The following RYR3 variants were observed in gnomAD, a reference collection of about 807,000 sequenced individuals.
The protein encoded by RYR3 is brain ryanodine receptor-calcium release channel.
A neutral mutation model predicts 584.3 loss-of-function variants in RYR3; 207 were observed. The ratio of observed to expected loss-of-function variants is 0.35; its 90% CI spans 0.32 to 0.40. The LOEUF is 0.40. Among genes scored for constraint, RYR3 ranks in the 10% least tolerant of loss-of-function variants. The pLI, the probability that RYR3 is intolerant of heterozygous loss-of-function variation, is 1.00. For synonymous variants in RYR3, 2,416 were observed against 2,248.5 expected (o/e 1.07, Z -2.11); for missense variants, 5,616 against 6,089.2 (o/e 0.92, Z 2.59).
At position 33,549,150 on chromosome 15, in the gene RYR3, G is replaced by A. The variant is rs143663571; in HGVS notation, c.815+946G>A. On this transcript the variant is annotated intron_variant, in intron 9 of 103. Transcript: ENST00000634891. ...AGCGTGCACTTACTAACTGGCTTGA[G>A]TCATTTATATCCTCTTTCCAAACCC... Among the ~76,000 whole-genome samples the A allele has an allele frequency of 6.2e-4, 95 of 152,224 alleles. No individual in the cohort carries two copies. The Middle Eastern group carries it at 0.034, about 55-fold the overall frequency.
rs2041927068 is a variant in RYR3, at chr15:33,390,536, T to G, written c.51+79440T>G. Among the ~76,000 whole-genome samples the G allele has an allele frequency of 6.6e-6, 1 of 152,150 alleles. No homozygotes were observed. Among genetic ancestry groups the G allele is most frequent in the Non-Finnish European group, 1.5e-5 (1 of 68,032 alleles). ...CGCATTTGTTTTCACGACTTCTTCT[T>G]CAGGGGGTGATAGGTGTGGAGAGAA... On this transcript the variant is annotated intron_variant, in intron 1 of 103. Coordinates refer to ENST00000634891, the MANE Select transcript of RYR3 (RefSeq NM_001036.6). The surrounding 1 kb of genome is among the most constrained non-coding windows in gnomAD (Gnocchi z 4.2).
At position 33,341,354 on chromosome 15, in the gene RYR3, T is replaced by G. The variant is rs1971794860; in HGVS notation, c.51+30258T>G. 2.6e-5 allele frequency among the ~76,000 whole-genome samples: 4 copies of G among 152,278 alleles called. No individual in the cohort carries two copies. In the South Asian group the frequency reaches 8.3e-4, roughly 32 times the overall value. ...GCGCCCGGTCTGATTCAGTGGACTTTGCATTTGAACATGTTTTCAGATGCT... is the reference window on the plus strand; with the variant it reads ...GCGCCCGGTCTGATTCAGTGGACTTGGCATTTGAACATGTTTTCAGATGCT... On this transcript the variant is annotated intron_variant, in intron 1 of 103. Coordinates refer to ENST00000634891, the MANE Select transcript of RYR3 (RefSeq NM_001036.6).
Position 33,739,992 on chromosome 15 carries a change from T to C in RYR3, c.7817T>C (p.Met2606Thr), listed in dbSNP as rs755954291. ...TTTGACCCAAAACCTATTAACACCA[T>C]GAAGTGAGTCCAGAATCATCTCTGA... is the stretch of plus-strand genomic sequence containing the variant. ...GNFDPKPINT[M>T]NFSLPEKLEY... Residue 2606 changes from methionine to threonine, a missense_variant, in exon 51 of 104, where the codon ATG becomes ACG. Physicochemically the swap from Met to Thr is moderately conservative, Grantham distance 81. Transcript: ENST00000634891. 1 of 1,613,712 alleles carries C rather than the reference T, an allele frequency of 6.2e-7. No homozygotes were observed. The highest frequency in any genetic ancestry group is 1.7e-5 in the Admixed American group (1 of 60,010).
intron 1 of RYR3, among the ~76,000 whole-genome samples, chr15:33,361,342 G>A (rs2676034): frequency 0.38 from 57,525 of 152,022 alleles, 10,975 homozygotes; most frequent in East Asian, 0.56. Context: ...AGGATGGCAA[G>A]CGAATATACA....
chr15:33,757,101 C>A (rs553177668), intron 59 of RYR3, among the ~76,000 whole-genome samples: 1 of 152,288 alleles, frequency 6.6e-6, no homozygotes, highest in African/African-American at 2.4e-5. Context: ...GGGCTTGAGT[C>A]GCCTTGCTCT....
At chr15:33,336,040 G>T (rs933533839) in intron 1 of RYR3, among the ~76,000 whole-genome samples, 2 of 152,092 alleles carry the variant, frequency 1.3e-5, no homozygotes, top group Non-Finnish European at 2.9e-5. Flanking sequence ...TATTTTAAAA[G>T]ACTTTTTAGC....
chr15:33,708,085 C>A (rs962576891), intron 43 of RYR3, among the ~76,000 whole-genome samples: 2 of 152,148 alleles, frequency 1.3e-5, no homozygotes, highest in Non-Finnish European at 2.9e-5. Context: ...ATCACTGCAT[C>A]CTTCTTGTTT....
rs779320284 is a variant in RYR3, at chr15:33,699,837, C to T, written c.6379+4C>T. The T allele has an allele frequency of 2.5e-6, 4 of 1,608,496 alleles. No homozygotes were observed. The highest frequency in any genetic ancestry group is 2.2e-5 in the East Asian group (1 of 44,712). Reference sequence around the variant, plus strand: ...GAGAATAGCAGTGTTGGCCTAGGTGCGTAAGTCTTCTTGTAACTTCCACAT... The same window carrying T: ...GAGAATAGCAGTGTTGGCCTAGGTGTGTAAGTCTTCTTGTAACTTCCACAT... On this transcript the variant is annotated splice_donor_region_variant and intron_variant, in intron 41 of 103. Transcript: ENST00000634891.
rs1438578819 is a variant in RYR3 at position 33,390,483 on chromosome 15, A to T, written c.51+79387A>T. ...TTGCTTCTCTTTATCTGTTGATCTT[A>T]TGATGCTGAAAATAGGGGAAAGTTC... On this transcript the variant is annotated intron_variant, in intron 1 of 103. Coordinates refer to ENST00000634891, the MANE Select transcript of RYR3 (RefSeq NM_001036.6). The surrounding 1 kb of genome is among the most constrained non-coding windows in gnomAD (Gnocchi z 4.2). Among the ~76,000 whole-genome samples, 1 of 152,206 alleles carries T rather than the reference A, an allele frequency of 6.6e-6. No homozygotes were observed. The highest frequency in any genetic ancestry group is 1.5e-5 in the Non-Finnish European group (1 of 68,028).
At chr15:33,452,289 A>G (rs2047196401) in intron 1 of RYR3, among the ~76,000 whole-genome samples, 1 of 152,192 alleles carries the variant, frequency 6.6e-6, no homozygotes, top group African/African-American at 2.4e-5. Flanking sequence ...TTAACTTCCA[A>G]CTTTCCAAAG....
At chr15:33,431,842 T>C (rs1422995765) in intron 1 of RYR3, among the ~76,000 whole-genome samples, 1 of 152,202 alleles carries the variant, frequency 6.6e-6, no homozygotes, top group Non-Finnish European at 1.5e-5. Flanking sequence ...GATGTATTAC[T>C]GATCTAATTT....
intron 1 of RYR3, among the ~76,000 whole-genome samples, chr15:33,340,992 A>T (rs192993682): frequency 1.2e-3 from 183 of 152,150 alleles, no homozygotes; most frequent in African/African-American, 4.2e-3. Flanking sequence ...GGCTTGTTGA[A>T]CCACACACTG....
intron 16 of RYR3, among the ~76,000 whole-genome samples, chr15:33,596,495 TGG>T (rs71117157): frequency 1.1e-4 from 15 of 133,984 alleles, no homozygotes; most frequent in Middle Eastern, 3.7e-3. Context: ...GTTCTTTTTT[TGG>T]GGGGGGGGGA....
intron 59 of RYR3, 134 bp from the exon 60 acceptor site, chr15:33,757,341 G>A: frequency 1.1e-6 from 1 of 944,582 alleles, no homozygotes; most frequent in Non-Finnish European, 1.6e-6. Flanking sequence ...TGGGACCAAA[G>A]GGGTAGAATT....
chr15:33,837,968 G>A lies in RYR3; in HGVS notation c.11988G>A (p.Val3996=). 6.2e-7 allele frequency: 1 copy of A among 1,614,018 alleles called. No individual in the cohort carries two copies. The stretch of plus-strand genomic sequence containing the variant: ...AGGACATAGGGTTTAATGTGGCTGT[G>A]TTATTGACAAATCTTTCTGAACACA... The part of the protein sequence containing the change: ...PAKDIGFNVA[V]LLTNLSEHMP... The change falls in exon 89 of 104, where the codon GTG becomes GTA. Residue 3996 remains valine, a synonymous_variant. Transcript: ENST00000634891.
intron 38 of RYR3, among the ~76,000 whole-genome samples, chr15:33,687,263 T>A (rs2065076674): frequency 6.6e-6 from 1 of 152,218 alleles, no homozygotes; most frequent in African/African-American, 2.4e-5. Context: ...AGCATTCCTA[T>A]ACACCAATAA....
At chr15:33,430,626 G>C (rs757995742) in intron 1 of RYR3, among the ~76,000 whole-genome samples, 12 of 152,178 alleles carry the variant, frequency 7.9e-5, no homozygotes, top group Non-Finnish European at 1.6e-4. Context: ...ATTTGGTGGC[G>C]ATGTGGGTTT....
At chr15:33,535,192 T>C (rs2055222173) in intron 5 of RYR3, among the ~76,000 whole-genome samples, 1 of 152,242 alleles carries the variant, frequency 6.6e-6, no homozygotes, top group African/African-American at 2.4e-5. Flanking sequence ...TATGTTGTTA[T>C]TCTAAAGCTA....
chr15:33,385,673 GC>G (rs2041538770), intron 1 of RYR3, among the ~76,000 whole-genome samples: 1 of 145,416 alleles, frequency 6.9e-6, no homozygotes, highest in South Asian at 2.2e-4. Flanking sequence ...TGACACTTCT[GC>G]CCCCTTTTTC....
Sources: allele counts gnomAD v4.1 joint callset (sites outside exome capture counted in the v4.1 genomes callset), GRCh38; gene constraint gnomAD v4.1.1; non-coding constraint Gnocchi (gnomAD v3.1); transcripts MANE v1.5; gene names NCBI Gene and HGNC (gene_info 2026-07-23, HGNC 2026-07-21).